FAM178B: variants seen among roughly 807,000 people sequenced by gnomAD.
FAM178B encodes protein FAM178B.
In FAM178B, 82 loss-of-function variants were observed where a neutral mutation model predicts 91.7. The ratio of observed to expected loss-of-function variants is 0.89; its 90% confidence interval spans 0.75 to 1.07. The LOEUF is 1.07. FAM178B is among the 50% of genes least tolerant of loss of function. The pLI, the probability that FAM178B is intolerant of heterozygous loss-of-function variation, is 0.00. For synonymous variants in FAM178B, 368 were observed against 359.4 expected (o/e 1.02, Z -0.27); for missense variants, 769 against 846.7 (o/e 0.91, Z 1.14).
intron 1 of FAM178B, among the ~76,000 whole-genome samples, chr2:96,982,193 C>G (rs1378859908): frequency 1.3e-5 from 2 of 152,070 alleles, no homozygotes; most frequent in Non-Finnish European, 2.9e-5. Flanking sequence ...ACATTCTTCA[C>G]TTTTTAATTG....
At chr2:96,879,700 G>A (rs2080332842) in intron 14 of FAM178B, among the ~76,000 whole-genome samples, 2 of 152,272 alleles carry the variant, frequency 1.3e-5, no homozygotes, top group African/African-American at 4.8e-5. Context: ...AGGCTGACCA[G>A]GTGGCCTTGC....
chr2:96,955,154 T>G (rs1029955987), intron 6 of FAM178B, among the ~76,000 whole-genome samples: 1 of 150,606 alleles, frequency 6.6e-6, no homozygotes, highest in Non-Finnish European at 1.5e-5. Context: ...TCACCTGAGG[T>G]TAGAAGTTCA....
chr2:96,905,688 G>A (rs1223437205), intron 12 of FAM178B, among the ~76,000 whole-genome samples: 2 of 149,720 alleles, frequency 1.3e-5, no homozygotes, highest in East Asian at 3.9e-4. Flanking sequence ...TGTAATCCCA[G>A]CACTTTGGGA....
intron 1 of FAM178B, among the ~76,000 whole-genome samples, chr2:96,973,149 A>C (rs1394686592): frequency 6.6e-6 from 1 of 151,110 alleles, no homozygotes; most frequent in Non-Finnish European, 1.5e-5. Context: ...TAGAGGTTGC[A>C]GTGACCCAAG....
intron 10 of FAM178B, 134 bp downstream of exon 10, chr2:96,923,356 C>T (rs929425709): frequency 1.5e-6 from 1 of 688,130 alleles, no homozygotes; most frequent in African/African-American, 1.8e-5. Context: ...AGCATCCGGC[C>T]CACAGCCAGC....
Position 96,972,265 on chromosome 2 carries a change from G to C in FAM178B, c.200C>G (p.Ser67Ter). 6.7e-7 allele frequency: 1 copy of C among 1,498,738 alleles called. No homozygotes were observed. The highest frequency in any genetic ancestry group is 8.9e-7 in the Non-Finnish European group (1 of 1,124,082). 92.8% of individuals were successfully genotyped at this position (1,498,738 alleles called of 1,614,324 possible). ...GGGCCCCTGGTCCAGGGGATGGTCT[G>C]ACAAGCCATCCTCCAGGTTGTACAG... is the stretch of plus-strand genomic sequence containing the variant. ...ILLYNLEDGLSDHPLDQGPRC... is the reference protein window; with the variant it reads ...ILLYNLEDGL The change falls in exon 3 of 17, where the codon TCA (serine) becomes TGA (stop). Residue 67 changes from serine (S) to a stop codon, truncating the protein, a stop_gained. Transcript: ENST00000490605. LOFTEE classifies it high-confidence loss of function.
At chr2:96,903,120 A>G (rs2080966392) in intron 12 of FAM178B, among the ~76,000 whole-genome samples, 1 of 152,136 alleles carries the variant, frequency 6.6e-6, no homozygotes, top group South Asian at 2.1e-4. Flanking sequence ...GCTCACTGCA[A>G]GCTCCGCCTC....
intron 14 of FAM178B, 114 bp from the exon 15 acceptor site, chr2:96,878,607 G>A (rs2080304684): frequency 1.1e-6 from 1 of 908,244 alleles, no homozygotes; most frequent in Admixed American, 2.0e-5. Flanking sequence ...CAGGGGCTCA[G>A]TCACCCCTAG....
chr2:96,966,694 C>A (rs192815538), intron 5 of FAM178B, among the ~76,000 whole-genome samples: 1 of 152,220 alleles, frequency 6.6e-6, no homozygotes, highest in Non-Finnish European at 1.5e-5. Flanking sequence ...AATCCTCACC[C>A]CCAGGGTGAA....
intron 13 of FAM178B, among the ~76,000 whole-genome samples, chr2:96,898,777 C>G (rs920395178): frequency 1.3e-5 from 2 of 152,198 alleles, no homozygotes; most frequent in Non-Finnish European, 2.9e-5. Flanking sequence ...GCACTGAGGA[C>G]AGCAGCCAGG....
At chr2:96,933,688 C>T (rs2081579725) in intron 8 of FAM178B, among the ~76,000 whole-genome samples, 1 of 152,184 alleles carries the variant, frequency 6.6e-6, no homozygotes, top group Admixed American at 6.5e-5. Flanking sequence ...CCAAATCAAA[C>T]AGCTAATGAG....
chr2:96,917,751 G>C (rs965938837), intron 12 of FAM178B, among the ~76,000 whole-genome samples: 2 of 152,160 alleles, frequency 1.3e-5, no homozygotes, highest in African/African-American at 4.8e-5. Context: ...AGCTACTAAG[G>C]AGGTTGAGGC....
chr2:96,893,029 C>G (rs950572367), intron 14 of FAM178B, among the ~76,000 whole-genome samples: 1 of 152,186 alleles, frequency 6.6e-6, no homozygotes, highest in African/African-American at 2.4e-5. Context: ...TAGCATATCT[C>G]TTTAATGGTT....
chr2:96,973,601 C>T (rs1266549390), intron 1 of FAM178B, among the ~76,000 whole-genome samples: 4 of 152,062 alleles, frequency 2.6e-5, no homozygotes, highest in African/African-American at 7.2e-5. Context: ...CAAAGGAAAT[C>T]GCAGTTTACA....
chr2:96,926,132 C>T (rs940191138), intron 9 of FAM178B, among the ~76,000 whole-genome samples: 2 of 152,082 alleles, frequency 1.3e-5, no homozygotes, highest in Admixed American at 6.6e-5. Context: ...GGTGAAACCC[C>T]ATCTCTACTA....
At chr2:96,889,677 C>T (rs546688707) in intron 14 of FAM178B, among the ~76,000 whole-genome samples, 64 of 126,592 alleles carry the variant, frequency 5.1e-4, no homozygotes, top group African/African-American at 1.9e-3. Context: ...GACTCTGTCT[C>T]AAATAAATAA....
At chr2:96,943,464 AT>A (rs1367859820) in intron 8 of FAM178B, among the ~76,000 whole-genome samples, 1 of 152,164 alleles carries the variant, frequency 6.6e-6, no homozygotes, top group Admixed American at 6.5e-5. Flanking sequence ...ATAGTATTCC[AT>A]TTTATGGATA....
At chr2:96,968,939 G>C (rs1046588999) in intron 4 of FAM178B, among the ~76,000 whole-genome samples, 1 of 152,094 alleles carries the variant, frequency 6.6e-6, no homozygotes, top group African/African-American at 2.4e-5. Flanking sequence ...GGTCCTAACC[G>C]GCACAGTCTG....
intron 12 of FAM178B, among the ~76,000 whole-genome samples, chr2:96,913,175 G>C (rs1221919599): frequency 6.6e-6 from 1 of 152,226 alleles, no homozygotes; most frequent in Non-Finnish European, 1.5e-5. Flanking sequence ...GGGCAGCAGG[G>C]AGGTGAGAAC....
Sources: gnomAD v4.1 joint callset for allele counts (sites outside exome capture counted in the v4.1 genomes callset) on GRCh38, gnomAD v4.1.1 for gene constraint, MANE v1.5 for transcripts, NCBI Gene and HGNC (gene_info 2026-07-23, HGNC 2026-07-21) for gene names.